Variants in RHOT2 observed in about 807,000 individuals in gnomAD.
The protein encoded by RHOT2 is mitochondrial Rho GTPase 2.
In RHOT2, 90 loss-of-function variants were observed where a neutral mutation model predicts 81.6. That is an observed-to-expected ratio of 1.10 (90% confidence interval 0.93 to 1.31). The LOEUF (loss-of-function observed/expected upper bound fraction) is 1.31, where lower values mean the gene tolerates loss of function less well. RHOT2 is among the 40% of genes most tolerant of loss of function. The probability of loss-of-function intolerance (pLI) is 0.00; values close to 1 mark genes in which losing one functional copy is unlikely to be tolerated. For synonymous variants in RHOT2, 512 were observed against 370.9 expected (o/e 1.38, Z -4.37); for missense variants, 1,014 against 841.9 (o/e 1.20, Z -2.53).
chr16:670,830 T>C (rs2038799905), intron 9 of RHOT2, 57 bp downstream of exon 9: 1 of 1,598,790 alleles, frequency 6.3e-7, no homozygotes, highest in Admixed American at 1.7e-5. Context: ...CTGCCGTTAG[T>C]GACTGGAACG....
chr16:673,455 T>C (rs376739242), intron 18 of RHOT2, 25 bp from the exon 19 acceptor site: 88 of 1,612,418 alleles, frequency 5.5e-5, no homozygotes, highest in African/African-American at 8.0e-5. Flanking sequence ...CTGAGGTATC[T>C]GCAGATGATT....
In RHOT2 at chr16:672,443, TG is replaced by T. The variant is rs746844210; in HGVS notation, c.1327-40del. On this transcript the variant is annotated intron_variant, in intron 15 of 18. Transcript: ENST00000315082. Reference sequence around the variant, plus strand: ...GCTCCAGGGGCAGGGCAGGGCAATCTGGGGGGCACTGCAGCCAGCGAGTGTC... The same window carrying T: ...GCTCCAGGGGCAGGGCAGGGCAATCTGGGGGCACTGCAGCCAGCGAGTGTC... 2.7e-5 allele frequency: 43 copies of T among 1,610,642 alleles called. 1 individual carries two copies. In the South Asian group the frequency reaches 3.6e-4, roughly 14 times the overall value.
intron 18 of RHOT2, 146 bp downstream of exon 18, chr16:673,276 G>A (rs1596531193): frequency 2.4e-6 from 3 of 1,232,798 alleles, no homozygotes; most frequent in South Asian, 2.6e-5. Flanking sequence ...TGGAACTGGG[G>A]CCAGAGTGGC....
At chr16:669,214 G>T in intron 4 of RHOT2, 1 of 455,598 alleles carries the variant, frequency 2.2e-6, no homozygotes, top group East Asian at 4.1e-5. Context: ...TGGGTTGCAG[G>T]TGTGGCCGTG....
At chr16:671,660 T>C in intron 11 of RHOT2, 37 bp from the exon 12 acceptor site, 1 of 1,593,050 alleles carries the variant, frequency 6.3e-7, no homozygotes, top group South Asian at 1.1e-5. Flanking sequence ...TGCTGCAGAG[T>C]CTCCTGGGAG....
At position 672,538 on chromosome 16, in the gene RHOT2, A is replaced by G. The variant is rs777984198; in HGVS notation, c.1376A>G (p.Gln459Arg). ...QPPGYAIDTV[Q>R]VNGQEKYLIL... ...CCCGGCTACGCCATCGACACGGTGC[A>G]GGTCAATGGACAGGAGAAGTACTTG... The change falls in exon 16 of 19, where the codon CAG (glutamine) becomes CGG (arginine). Residue 459 changes from glutamine to arginine, a missense_variant. Gln to Arg is a conservative substitution (Grantham distance 43). Coordinates refer to ENST00000315082, the MANE Select transcript of RHOT2 (RefSeq NM_138769.3). The G allele has an allele frequency of 4.3e-6, 7 of 1,612,492 alleles. No homozygotes were observed. The highest frequency in any genetic ancestry group is 1.1e-5 in the South Asian group (1 of 91,082).
At chr16:671,533 C>T (rs1181312739) in intron 11 of RHOT2, among the ~76,000 whole-genome samples, 164 bp from the exon 12 acceptor site, 1 of 152,188 alleles carries the variant, frequency 6.6e-6, no homozygotes, top group African/African-American at 2.4e-5. Flanking sequence ...GCCAGGTGGG[C>T]ACCCTCCTCC....
chr16:668,511 C>G lies in RHOT2; in HGVS notation c.120C>G (p.Ile40Met). Residue 40 changes from isoleucine to methionine, a missense_variant, in exon 3 of 19, where the codon ATC (isoleucine) becomes ATG (methionine). Ile to Met is a conservative substitution (Grantham distance 10). Coordinates refer to ENST00000315082, the MANE Select transcript of RHOT2 (RefSeq NM_138769.3). ...AGGTCCCTCCCCGCGCGGAGGAGAT[C>G]ACCATCCCCGCGGACGTCACCCCGG... is the stretch of plus-strand genomic sequence containing the variant. ...PEEVPPRAEE[I>M]TIPADVTPEK... The G allele has an allele frequency of 6.2e-7, 1 of 1,609,376 alleles. No individual in the cohort carries two copies. Among genetic ancestry groups the G allele is most frequent in the Non-Finnish European group, 8.5e-7 (1 of 1,178,512 alleles).
In RHOT2 at chr16:670,103, A is replaced by G. The variant is rs377316300; in HGVS notation, c.277-20A>G. Reference sequence around the variant, plus strand: ...GTGCCCGCGGGCAGCCTCACTTCACAGCCAGGCTTTGCTTTTCAGATTCGA... The same window carrying G: ...GTGCCCGCGGGCAGCCTCACTTCACGGCCAGGCTTTGCTTTTCAGATTCGA... On this transcript the variant is annotated intron_variant, in intron 5 of 18. Transcript: ENST00000315082. 1.6e-5 allele frequency: 24 copies of G among 1,547,592 alleles called. No homozygotes were observed. The highest frequency in any genetic ancestry group is 2.0e-5 in the Non-Finnish European group (23 of 1,148,104).
chr16:673,299 T>C, intron 18 of RHOT2, 169 bp downstream of exon 18: 3 of 1,204,192 alleles, frequency 2.5e-6, no homozygotes, highest in South Asian at 1.3e-5. Flanking sequence ...GGTGGAGCTT[T>C]GTGTGGCAGA....
chr16:670,698 G>A lies in RHOT2; in HGVS notation c.564G>A (p.Ala188=), dbSNP rs140911157. 1,383 of 1,612,324 alleles carry A rather than the reference G, an allele frequency of 8.6e-4. 13 individuals are homozygous for A. The South Asian group carries it at 0.014, about 17-fold the overall frequency. ...AGTTGAGGCCCGCGTGCGCCCAGGCGCTGACGCGCATCTTCAGGCTCTCAG... is the reference window on the plus strand; with the variant it reads ...AGTTGAGGCCCGCGTGCGCCCAGGCACTGACGCGCATCTTCAGGCTCTCAG... ...AKQLRPACAQ[A]LTRIFRLSDQ... Residue 188 remains alanine (A), a synonymous_variant, in exon 9 of 19, where the codon GCG becomes GCA. Coordinates refer to ENST00000315082, the MANE Select transcript of RHOT2 (RefSeq NM_138769.3).
chr16:671,885 T>C lies in RHOT2; in HGVS notation c.980T>C (p.Val327Ala). The change falls in exon 13 of 19, where the codon GTG becomes GCG. Residue 327 changes from valine (V) to alanine (A), a missense_variant. Transcript: ENST00000315082. Reference protein sequence around the residue: ...DQDRDGALSPVELQSLFSVFP... With the variant: ...DQDRDGALSPAELQSLFSVFP... Reference sequence around the variant, plus strand: ...GACCGCGACGGCGCCCTCTCGCCCGTGGAGCTGCAAAGCCTTTTCAGTGTG... The same window carrying C: ...GACCGCGACGGCGCCCTCTCGCCCGCGGAGCTGCAAAGCCTTTTCAGTGTG... 2 of 1,560,892 alleles carry C rather than the reference T, an allele frequency of 1.3e-6. No individual in the cohort carries two copies. Among genetic ancestry groups the C allele is most frequent in the Non-Finnish European group, 1.7e-6 (2 of 1,157,986 alleles).
chr16:670,690 G>A lies in RHOT2; in HGVS notation c.556G>A (p.Ala186Thr), dbSNP rs377638359. 50 of 1,612,286 alleles carry A rather than the reference G, an allele frequency of 3.1e-5. No individual in the cohort carries two copies. The highest frequency in any genetic ancestry group is 2.0e-4 in the East Asian group (9 of 44,876). The stretch of plus-strand genomic sequence containing the variant: ...ATCCCCACAGTTGAGGCCCGCGTGC[G>A]CCCAGGCGCTGACGCGCATCTTCAG... ...PEAKQLRPAC[A>T]QALTRIFRLS... The change falls in exon 9 of 19, where the codon GCC becomes ACC. Residue 186 changes from alanine to threonine, a missense_variant. Transcript: ENST00000315082.
chr16:669,712 G>C (rs2151456358), intron 5 of RHOT2, 106 bp downstream of exon 5: 1 of 1,198,236 alleles, frequency 8.3e-7, no homozygotes, highest in South Asian at 1.2e-5. Flanking sequence ...CAGCATTTTG[G>C]GGAGCCTGAC....
In RHOT2 at chr16:673,612, C is replaced by G. The variant is rs777702540; in HGVS notation, c.*6C>G. The stretch of plus-strand genomic sequence containing the variant: ...TCCTGGTGAAGAGCCAGTGAGGCCC[C>G]TGGTACCCAAGCCCCCTCCCCTGAC... On this transcript the variant is annotated 3_prime_UTR_variant, in exon 19 of 19. Coordinates refer to ENST00000315082, the MANE Select transcript of RHOT2 (RefSeq NM_138769.3). 2 of 1,603,896 alleles carry G rather than the reference C, an allele frequency of 1.2e-6. No homozygotes were observed. Among genetic ancestry groups the G allele is most frequent in the Admixed American group, 1.7e-5 (1 of 57,862 alleles).
rs748499544 is a variant in RHOT2 at position 670,659 on chromosome 16, G to A, written c.541-16G>A. On this transcript the variant is annotated splice_polypyrimidine_tract_variant and intron_variant, in intron 8 of 18. Coordinates refer to ENST00000315082, the MANE Select transcript of RHOT2 (RefSeq NM_138769.3). ...GGCGTGGGTCACCTGAGGGTGCTGA[G>A]CCAACATCCCCACAGTTGAGGCCCG... is the stretch of plus-strand genomic sequence containing the variant. 7 of 1,611,248 alleles carry A rather than the reference G, an allele frequency of 4.3e-6. No homozygotes were observed. Among genetic ancestry groups the A allele is most frequent in the Non-Finnish European group, 5.9e-6 (7 of 1,179,308 alleles).
intron 4 of RHOT2, 131 bp from the exon 5 acceptor site, chr16:669,422 C>A: frequency 1.2e-6 from 1 of 853,008 alleles, no homozygotes; most frequent in Non-Finnish European, 1.9e-6. Context: ...GCTTTCCCGG[C>A]CTCAGAGCTG....
At chr16:669,933 T>C (rs4984681) in intron 5 of RHOT2, 190 bp from the exon 6 acceptor site, 297,375 of 622,018 alleles carry the variant, frequency 0.48, 82,838 homozygotes, top group East Asian at 1. Context: ...TTGGGAGCCA[T>C]TGGGGTCAGA....
chr16:673,564 C>T lies in RHOT2; in HGVS notation c.1815C>T (p.Val605=). 6.2e-7 allele frequency: 1 copy of T among 1,612,208 alleles called. No individual in the cohort carries two copies. The highest frequency in any genetic ancestry group is 8.5e-7 in the Non-Finnish European group (1 of 1,179,884). ...LGVVGAAVAA[V]LSFSLYRVLV... ...TTGTCGGGGCCGCCGTGGCCGCAGT[C>T]CTCAGCTTCTCACTCTACAGGGTCC... The change falls in exon 19 of 19, where the codon GTC becomes GTT. Residue 605 remains valine (V), a synonymous_variant. Coordinates refer to ENST00000315082, the MANE Select transcript of RHOT2 (RefSeq NM_138769.3).
Sources: allele counts gnomAD v4.1 joint callset (sites outside exome capture counted in the v4.1 genomes callset), GRCh38; gene constraint gnomAD v4.1.1; transcripts MANE v1.5; gene names NCBI Gene and HGNC (gene_info 2026-07-23, HGNC 2026-07-21).